The following KIAA0930 variants were observed in gnomAD, a reference collection of about 807,000 sequenced individuals.
The protein encoded by KIAA0930 is KIAA0930.
In KIAA0930, 24 loss-of-function variants were observed where a neutral mutation model predicts 43.9. That is an observed-to-expected ratio of 0.55 (90% CI 0.40 to 0.77). KIAA0930 has a LOEUF of 0.77. KIAA0930 is among the 30% of genes least tolerant of loss of function. The pLI, the probability that KIAA0930 is intolerant of heterozygous loss-of-function variation, is 0.00. For synonymous variants in KIAA0930, 259 were observed against 216.4 expected (o/e 1.20, Z -1.73); for missense variants, 461 against 574.2 (o/e 0.80, Z 2.02).
At chr22:45,224,270 G>C (rs1004611043) in intron 1 of KIAA0930, among the ~76,000 whole-genome samples, 1 of 152,208 alleles carries the variant, frequency 6.6e-6, no homozygotes, top group Non-Finnish European at 1.5e-5. Flanking sequence ...CCACAGTGAA[G>C]GGTTAAGAGT....
chr22:45,205,381 T>C (rs1211114776), intron 4 of KIAA0930, 63 bp from the exon 5 acceptor site: 2 of 1,452,640 alleles, frequency 1.4e-6, no homozygotes, highest in African/African-American at 2.8e-5. Context: ...CCAGAGCCAG[T>C]CCAAGCCAGT....
intron 5 of KIAA0930, 83 bp from the exon 6 acceptor site, chr22:45,204,068 G>A (rs1043500588): frequency 5.0e-5 from 79 of 1,577,858 alleles, no homozygotes; most frequent in Middle Eastern, 1.7e-4. Context: ...GGCAGGGAGG[G>A]CTGCTCAGAA....
At chr22:45,228,219 C>A (rs1301908732) in intron 1 of KIAA0930, among the ~76,000 whole-genome samples, 1 of 152,104 alleles carries the variant, frequency 6.6e-6, no homozygotes, top group East Asian at 1.9e-4. Context: ...GTCCCCGATC[C>A]CCAGCACACA....
intron 1 of KIAA0930, among the ~76,000 whole-genome samples, chr22:45,212,993 G>C (rs562783857): frequency 6.6e-6 from 1 of 152,148 alleles, no homozygotes; most frequent in East Asian, 1.9e-4. Context: ...AGATTAAACC[G>C]GGTCTGCTTT....
In KIAA0930 at chr22:45,211,943, G is replaced by C. The variant is rs375987164; in HGVS notation, c.216+13C>G. 2 of 1,607,034 alleles carry C rather than the reference G, an allele frequency of 1.2e-6. No homozygotes were observed. The highest frequency in any genetic ancestry group is 1.7e-6 in the Non-Finnish European group (2 of 1,179,082). On this transcript the variant is annotated intron_variant, in intron 2 of 9. Coordinates refer to ENST00000336156, the MANE Select transcript of KIAA0930 (RefSeq NM_001009880.2). ...GGGCACAGACGCAGGGGCAGGGGCCGGGGGTCACTCACCTTCCTCCCGTCT... is the reference window on the plus strand; with the variant it reads ...GGGCACAGACGCAGGGGCAGGGGCCCGGGGTCACTCACCTTCCTCCCGTCT...
chr22:45,218,196 C>T (rs953229269), intron 1 of KIAA0930, among the ~76,000 whole-genome samples: 7 of 152,046 alleles, frequency 4.6e-5, no homozygotes, highest in Non-Finnish European at 7.4e-5. Context: ...TTGTTCTTGT[C>T]GCTCAGGCTG....
intron 2 of KIAA0930, 125 bp from the exon 3 acceptor site, chr22:45,206,037 ACAGGGTCTCACACCGCTGCC>A: frequency 6.7e-7 from 1 of 1,485,648 alleles, no homozygotes. Flanking sequence ...ATTTTTTGAG[ACAGGGTCTCACACCGCTGCC>A]CAGGCTAGAG....
Position 45,199,336 on chromosome 22 carries a change from C to A in KIAA0930, c.1015+537G>T, listed in dbSNP as rs529091629. Among the ~76,000 whole-genome samples, 4 of 152,268 alleles carry A rather than the reference C, an allele frequency of 2.6e-5. No homozygotes were observed. The East Asian group carries it at 7.7e-4, about 29-fold the overall frequency. ...ATGGTAACACCCAGATACAGACAAC[C>A]GGAGTCCAGGGGACAGGGGCACAGG... is the stretch of plus-strand genomic sequence containing the variant. On this transcript the variant is annotated intron_variant, in intron 8 of 9. Coordinates refer to ENST00000336156, the MANE Select transcript of KIAA0930 (RefSeq NM_001009880.2).
chr22:45,235,034 A>G (rs1443307938), intron 1 of KIAA0930, among the ~76,000 whole-genome samples: 2 of 152,030 alleles, frequency 1.3e-5, no homozygotes, highest in Admixed American at 6.6e-5. Context: ...TGTTTGGGAA[A>G]TCTGAGGATG....
intron 1 of KIAA0930, among the ~76,000 whole-genome samples, chr22:45,217,176 C>A (rs576360469): frequency 3.3e-5 from 5 of 152,022 alleles, no homozygotes; most frequent in African/African-American, 1.2e-4. Flanking sequence ...GCCTAGCCAA[C>A]ATCGCAAAAC....
Position 45,197,824 on chromosome 22 carries a change from G to A in KIAA0930, c.1140C>T (p.Thr380=). 1 of 1,614,228 alleles carries A rather than the reference G, an allele frequency of 6.2e-7. No individual in the cohort carries two copies. Among genetic ancestry groups the A allele is most frequent in the Non-Finnish European group, 8.5e-7 (1 of 1,180,048 alleles). The change falls in exon 9 of 10, where the codon ACC becomes ACT. Residue 380 remains threonine, a synonymous_variant. Transcript: ENST00000336156. Reference sequence around the variant, plus strand: ...TCCGATGCAGCGGCAACGTGACGTAGGTTAAGTGTGCATAGAGAAGGAAGT... The same window carrying A: ...TCCGATGCAGCGGCAACGTGACGTAAGTTAAGTGTGCATAGAGAAGGAAGT... ...DGNFLLYAHL[T]YVTLPLHRIL... is the part of the protein sequence containing the mutation.
At chr22:45,240,551 C>T (rs1346252395) in intron 1 of KIAA0930, 89 bp downstream of exon 1, 2 of 914,080 alleles carry the variant, frequency 2.2e-6, no homozygotes, top group African/African-American at 1.7e-5. Flanking sequence ...GACAGAGATG[C>T]GCGGGGCGCA....
intron 1 of KIAA0930, among the ~76,000 whole-genome samples, chr22:45,222,110 G>T (rs1000694065): frequency 6.6e-6 from 1 of 152,136 alleles, no homozygotes; most frequent in African/African-American, 2.4e-5. Flanking sequence ...GGTACAAGTG[G>T]CTTGCTGAGG....
chr22:45,202,724 AC>A (rs2083599853), intron 7 of KIAA0930: 3 of 386,722 alleles, frequency 7.8e-6, no homozygotes, highest in African/African-American at 6.3e-5. Context: ...CTGGCCCAGC[AC>A]CAGCCTGCGG....
At chr22:45,211,391 G>A (rs562918641) in intron 2 of KIAA0930, 75 of 399,040 alleles carry the variant, frequency 1.9e-4, no homozygotes, top group East Asian at 2.5e-4. Context: ...GATGAAATAC[G>A]TTAGGCGAAT....
intron 2 of KIAA0930, among the ~76,000 whole-genome samples, chr22:45,208,241 G>T (rs2083656348): frequency 6.6e-6 from 1 of 151,406 alleles, no homozygotes; most frequent in South Asian, 2.1e-4. Flanking sequence ...TCACAAACAT[G>T]ACATGCGGAG....
chr22:45,194,136 G>T lies in KIAA0930; in HGVS notation c.*3040C>A, dbSNP rs1402508233. The T allele has an allele frequency of 1.5e-5, 2 of 133,112 alleles. No homozygotes were observed. Among genetic ancestry groups the T allele is most frequent in the Admixed American group, 1.8e-4 (2 of 11,102 alleles). The allele number at this position is 133,112 out of a possible 1,614,324, so 8.2% of individuals were successfully genotyped here. A position where few individuals can be genotyped will look rare whatever the true frequency, so the allele number is the denominator to read the frequency against. ...GTTGCCCAGGCTAGAATGCAATGGC[G>T]TGATCTCGGCTCACTGCAACCTCTG... On this transcript the variant is annotated 3_prime_UTR_variant, in exon 10 of 10. Coordinates refer to ENST00000336156, the MANE Select transcript of KIAA0930 (RefSeq NM_001009880.2).
At chr22:45,205,940 C>T (rs746168975) in intron 2 of KIAA0930, 28 bp from the exon 3 acceptor site, 1 of 1,609,510 alleles carries the variant, frequency 6.2e-7, no homozygotes, top group East Asian at 2.2e-5. Flanking sequence ...GAAGTGAGTG[C>T]CCAGGGCCCA....
rs9626652 is a variant in KIAA0930, at chr22:45,197,361, G to C, written c.1175-145C>G. 16,808 of 695,724 alleles carry C rather than the reference G, an allele frequency of 0.024. 2,125 individuals carry two copies. In the African/African-American group the frequency reaches 0.27, roughly 11 times the overall value. The allele number at this position is 695,724 out of a possible 1,614,324, so 43.1% of individuals were successfully genotyped here. A position where few individuals can be genotyped will look rare whatever the true frequency, so the allele number is the denominator to read the frequency against. Reference sequence around the variant, plus strand: ...AGGCCTCACAGACTGCAGAGGAGACGTGTCTCCACCATCCTCACCCTGCAG... The same window carrying C: ...AGGCCTCACAGACTGCAGAGGAGACCTGTCTCCACCATCCTCACCCTGCAG... On this transcript the variant is annotated intron_variant, in intron 9 of 9. Transcript: ENST00000336156.
Sources: allele counts gnomAD v4.1 joint callset (sites outside exome capture counted in the v4.1 genomes callset), GRCh38; gene constraint gnomAD v4.1.1; transcripts MANE v1.5; gene names NCBI Gene and HGNC (gene_info 2026-07-23, HGNC 2026-07-21).